The following TAFA1 variants were observed in gnomAD, a reference collection of about 807,000 sequenced individuals.
The protein encoded by TAFA1 is chemokine-like protein TAFA-1.
Under a neutral mutation model 18.5 loss-of-function variants are expected in TAFA1, and 4 were observed. The ratio of observed to expected loss-of-function variants is 0.22; its 90% CI spans 0.11 to 0.49. The LOEUF (loss-of-function observed/expected upper bound fraction) is 0.49. Among genes scored for constraint, TAFA1 ranks in the 20% least tolerant of loss-of-function variants. The pLI, the probability that TAFA1 is intolerant of heterozygous loss-of-function variation, is 0.98. For missense variants in TAFA1, 147 were observed against 169.0 expected, an observed-to-expected ratio of 0.87 and a Z score of 0.72; for synonymous variants, 56 against 55.2, an observed-to-expected ratio of 1.01 and a Z score of -0.06.
intron 2 of TAFA1, among the ~76,000 whole-genome samples, chr3:68,014,486 C>A (rs985108573): frequency 6.6e-6 from 1 of 152,124 alleles, no homozygotes; most frequent in Non-Finnish European, 1.5e-5. Flanking sequence ...GAGGCTGGAG[C>A]TTTCAAGATC....
intron 2 of TAFA1, among the ~76,000 whole-genome samples, chr3:68,236,922 T>C (rs2066933928): frequency 6.6e-6 from 1 of 152,188 alleles, no homozygotes; most frequent in Non-Finnish European, 1.5e-5. Flanking sequence ...TGTGCTGGAA[T>C]TAATGGGGCT....
At chr3:68,076,044 G>GA (rs1385331408) in intron 2 of TAFA1, among the ~76,000 whole-genome samples, 1 of 152,114 alleles carries the variant, frequency 6.6e-6, no homozygotes, top group African/African-American at 2.4e-5. Flanking sequence ...AATCATCTAG[G>GA]AAAAATCTCC....
intron 2 of TAFA1, among the ~76,000 whole-genome samples, chr3:68,094,261 T>C (rs541101318): frequency 3.5e-4 from 53 of 152,246 alleles, no homozygotes; most frequent in African/African-American, 1.2e-3. Context: ...GTGGGTGTTG[T>C]TATTCTTCAT....
chr3:68,279,120 A>C (rs1422256811), intron 2 of TAFA1, among the ~76,000 whole-genome samples: 1 of 152,200 alleles, frequency 6.6e-6, no homozygotes, highest in East Asian at 1.9e-4. Context: ...AGCCATGTCT[A>C]ACCTAGAACC....
intron 2 of TAFA1, among the ~76,000 whole-genome samples, chr3:68,024,833 A>ACACACACACACACACACAC (rs397978695): frequency 6.6e-6 from 1 of 151,144 alleles, no homozygotes; most frequent in African/African-American, 2.4e-5. Context: ...ACACACACAC[A>ACACACACACACACACACAC]ATTATACATT....
intron 2 of TAFA1, among the ~76,000 whole-genome samples, chr3:68,261,563 C>T (rs904635348): frequency 5.9e-5 from 9 of 152,142 alleles, no homozygotes; most frequent in African/African-American, 1.9e-4. Context: ...GGCACATATA[C>T]ACCATGGAAT....
rs1466480070 is a variant in TAFA1, at chr3:68,449,747, T to C, written c.259+32327T>C. Among the ~76,000 whole-genome samples, 5 of 152,178 alleles carry C rather than the reference T, an allele frequency of 3.3e-5. No homozygotes were observed. The South Asian group carries it at 1.0e-3, about 31-fold the overall frequency. ...TGCCAATGCTGAGCCCACATGAGTG[T>C]GGCCATTTATCATCAAGCTTAAAGC... On this transcript the variant is annotated intron_variant, in intron 3 of 4. Transcript: ENST00000478136.
chr3:68,211,201 C>G (rs1056848261), intron 2 of TAFA1, among the ~76,000 whole-genome samples: 2 of 152,002 alleles, frequency 1.3e-5, no homozygotes, highest in African/African-American at 4.8e-5. Flanking sequence ...TAGTTTCATT[C>G]AGTGTGGGGG....
chr3:68,306,651 G>T lies in TAFA1; in HGVS notation c.119-110629G>T, dbSNP rs550817655. ...TCTGGATCTCCGAGGAGCTAAAGCTGGTCTCTGGAACTACATTATGTAAAA... is the reference window on the plus strand; with the variant it reads ...TCTGGATCTCCGAGGAGCTAAAGCTTGTCTCTGGAACTACATTATGTAAAA... On this transcript the variant is annotated intron_variant, in intron 2 of 4. Coordinates refer to ENST00000478136, the MANE Select transcript of TAFA1 (RefSeq NM_213609.4). Among the ~76,000 whole-genome samples, 112 of 152,182 alleles carry T rather than the reference G, an allele frequency of 7.4e-4. 2 individuals carry two copies. Among genetic ancestry groups the T allele is most frequent in the Non-Finnish European group, 1.3e-3 (91 of 67,974 alleles).
chr3:68,051,223 A>C (rs1193689904), intron 2 of TAFA1, among the ~76,000 whole-genome samples: 1 of 152,148 alleles, frequency 6.6e-6, no homozygotes, highest in African/African-American at 2.4e-5. Context: ...GAAGTGAATA[A>C]ATGTTTCTAT....
intron 2 of TAFA1, among the ~76,000 whole-genome samples, chr3:68,403,565 G>A (rs2070537821): frequency 6.6e-6 from 1 of 152,176 alleles, no homozygotes; most frequent in Non-Finnish European, 1.5e-5. Context: ...GCTGGAAATT[G>A]TGACACATAA....
chr3:68,217,628 T>C (rs910531245), intron 2 of TAFA1, among the ~76,000 whole-genome samples: 1 of 152,064 alleles, frequency 6.6e-6, no homozygotes, highest in African/African-American at 2.4e-5. Flanking sequence ...CTAATACTAA[T>C]GTAAGACATT....
intron 2 of TAFA1, among the ~76,000 whole-genome samples, chr3:68,193,449 A>G (rs1171868309): frequency 6.6e-6 from 1 of 151,764 alleles, no homozygotes; most frequent in Non-Finnish European, 1.5e-5. Context: ...GAAACTTAAA[A>G]CAGCAAACAA....
chr3:68,544,479 G>C lies in TAFA1; in HGVS notation c.385-7G>C. ...TCCCTGAAATGTCTGTCTTTCTTTG[G>C]TTTCAGATTCACCCAAGAACCTAAC... On this transcript the variant is annotated splice_region_variant and splice_polypyrimidine_tract_variant and intron_variant, in intron 4 of 4. Coordinates refer to ENST00000478136, the MANE Select transcript of TAFA1 (RefSeq NM_213609.4). 6.2e-7 allele frequency: 1 copy of C among 1,612,016 alleles called. No homozygotes were observed. The highest frequency in any genetic ancestry group is 8.5e-7 in the Non-Finnish European group (1 of 1,178,780).
At chr3:68,155,552 C>G (rs1418827204) in intron 2 of TAFA1, among the ~76,000 whole-genome samples, 3 of 152,182 alleles carry the variant, frequency 2.0e-5, no homozygotes, top group Non-Finnish European at 4.4e-5. Flanking sequence ...CTATTCCACT[C>G]TCTTATGCCT....
chr3:68,222,423 G>A (rs895825289), intron 2 of TAFA1, among the ~76,000 whole-genome samples: 2 of 152,186 alleles, frequency 1.3e-5, no homozygotes, highest in Admixed American at 6.5e-5. Flanking sequence ...TGTATGAAGA[G>A]TGAGACCATT....
intron 2 of TAFA1, among the ~76,000 whole-genome samples, chr3:68,414,775 G>T (rs754021308): frequency 6.6e-6 from 1 of 152,156 alleles, no homozygotes; most frequent in African/African-American, 2.4e-5. Flanking sequence ...TAACTCAGGC[G>T]ATCTGGCTTG....
intron 2 of TAFA1, among the ~76,000 whole-genome samples, chr3:68,250,485 A>G (rs1289241089): frequency 1.3e-5 from 2 of 152,078 alleles, no homozygotes; most frequent in African/African-American, 4.8e-5. Context: ...ACTAACCTCC[A>G]CTGCATATTT....
intron 2 of TAFA1, among the ~76,000 whole-genome samples, chr3:68,011,138 T>TG (rs1227001510): frequency 2.0e-4 from 2 of 10,154 alleles, no homozygotes; most frequent in African/African-American, 3.9e-4. Flanking sequence ...TGGGGGGTGG[T>TG]GGGGGGGTGG....
Sources: gnomAD v4.1 joint callset for allele counts (sites outside exome capture counted in the v4.1 genomes callset) on GRCh38, gnomAD v4.1.1 for gene constraint, MANE v1.5 for transcripts, NCBI Gene and HGNC (gene_info 2026-07-23, HGNC 2026-07-21) for gene names.